TAFA2: variants seen among roughly 807,000 people sequenced by gnomAD.
The protein encoded by TAFA2 is chemokine-like protein TAFA-2.
Under a neutral mutation model 18.8 loss-of-function variants are expected in TAFA2, and 7 were observed. The observed-to-expected ratio is 0.37, with a 90% CI of 0.21 to 0.70. TAFA2 has a LOEUF of 0.70. Among genes scored for constraint, TAFA2 ranks in the 30% least tolerant of loss-of-function variants. The probability of loss-of-function intolerance (pLI) is 0.53; values close to 1 mark genes in which losing one functional copy is unlikely to be tolerated. For missense variants in TAFA2, 122 were observed against 158.1 expected, an observed-to-expected ratio of 0.77 and a Z score of 1.23; for synonymous variants, 60 against 54.2, an observed-to-expected ratio of 1.11 and a Z score of -0.47.
chr12:62,109,045 G>GTCT (rs1292125388), intron 1 of TAFA2, among the ~76,000 whole-genome samples: 8 of 152,132 alleles, frequency 5.3e-5, no homozygotes, highest in African/African-American at 1.9e-4. Context: ...TAGTCATTAA[G>GTCT]TCTTTGCCCA....
rs548437446 is a variant in TAFA2, at chr12:61,961,015, A to C, written c.-1-93589T>G. 5.3e-5 allele frequency among the ~76,000 whole-genome samples: 8 copies of C among 152,098 alleles called. No individual in the cohort carries two copies. The East Asian group carries it at 1.6e-3, about 30-fold the overall frequency. ...ACTCAGTTCTGCAAGCTGTACAGGA[A>C]TATGTGCCTACTTCCCCATTACCTT... On this transcript the variant is annotated intron_variant, in intron 1 of 4. Coordinates refer to ENST00000416284, the MANE Select transcript of TAFA2 (RefSeq NM_178539.5).
intron 2 of TAFA2, among the ~76,000 whole-genome samples, chr12:61,821,342 C>G (rs1359457686): frequency 6.6e-6 from 1 of 151,900 alleles, no homozygotes; most frequent in Non-Finnish European, 1.5e-5. Flanking sequence ...TTATTGGTTC[C>G]TTTTCATAGC....
intron 1 of TAFA2, among the ~76,000 whole-genome samples, chr12:62,200,347 G>A (rs1374127595): frequency 1.3e-5 from 2 of 152,082 alleles, no homozygotes; most frequent in Admixed American, 1.3e-4. Flanking sequence ...TGTACTAAAT[G>A]GTATTGCCTA....
chr12:62,055,400 C>T (rs138234200), intron 1 of TAFA2, among the ~76,000 whole-genome samples: 159 of 152,222 alleles, frequency 1.0e-3, no homozygotes, highest in Non-Finnish European at 2.1e-3. Context: ...TTTTCTCATA[C>T]CATTTAGTCA....
intron 1 of TAFA2, among the ~76,000 whole-genome samples, chr12:62,039,136 T>C (rs1317764337): frequency 1.3e-5 from 2 of 152,302 alleles, no homozygotes; most frequent in South Asian, 2.1e-4. Flanking sequence ...AAATAAGAAA[T>C]GTAGACCCAG....
intron 2 of TAFA2, among the ~76,000 whole-genome samples, chr12:61,795,032 A>G (rs1387221141): frequency 6.6e-6 from 1 of 152,206 alleles, no homozygotes; most frequent in African/African-American, 2.4e-5. Flanking sequence ...ACAATGAGAT[A>G]CCATCTCACG....
At chr12:62,224,088 C>T (rs2062775748) in intron 1 of TAFA2, among the ~76,000 whole-genome samples, 1 of 133,920 alleles carries the variant, frequency 7.5e-6, no homozygotes, top group Non-Finnish European at 1.5e-5. Context: ...TGCATACACA[C>T]ACACACACAC....
At chr12:61,951,174 G>A (rs1483174282) in intron 1 of TAFA2, among the ~76,000 whole-genome samples, 2 of 152,138 alleles carry the variant, frequency 1.3e-5, no homozygotes, top group African/African-American at 4.8e-5. Context: ...CAATAGCAAC[G>A]GAGGATATGT....
intron 1 of TAFA2, chr12:62,235,058 A>G: frequency 1.6e-6 from 1 of 625,910 alleles, no homozygotes. Context: ...TTCCAGTGGA[A>G]GCTGAGACTG....
chr12:61,897,436 AAAG>A (rs1475777834), intron 1 of TAFA2, among the ~76,000 whole-genome samples: 2 of 152,200 alleles, frequency 1.3e-5, no homozygotes, highest in South Asian at 2.1e-4. Flanking sequence ...TTATAAAAAA[AAAG>A]AAGTTTAATT....
At chr12:62,060,311 T>C (rs185376406) in intron 1 of TAFA2, among the ~76,000 whole-genome samples, 2 of 152,248 alleles carry the variant, frequency 1.3e-5, no homozygotes, top group East Asian at 3.9e-4. Flanking sequence ...ACATAAACAA[T>C]GGAGGTCCTA....
chr12:61,796,296 T>C (rs988446185), intron 2 of TAFA2, among the ~76,000 whole-genome samples: 2 of 152,082 alleles, frequency 1.3e-5, no homozygotes, highest in African/African-American at 4.8e-5. Flanking sequence ...CACAGGTAAA[T>C]AGATAAACAA....
At chr12:61,955,144 A>G (rs1878606704) in intron 1 of TAFA2, among the ~76,000 whole-genome samples, 1 of 152,182 alleles carries the variant, frequency 6.6e-6, no homozygotes, top group Non-Finnish European at 1.5e-5. Context: ...ATAAAATAGT[A>G]TCTGGATTGT....
At chr12:62,011,473 T>C (rs1296963536) in intron 1 of TAFA2, among the ~76,000 whole-genome samples, 2 of 152,138 alleles carry the variant, frequency 1.3e-5, no homozygotes, top group Middle Eastern at 3.2e-3. Flanking sequence ...CTCTGAAACA[T>C]GTGCTGTGTC....
intron 1 of TAFA2, among the ~76,000 whole-genome samples, chr12:61,904,747 C>T (rs558572412): frequency 6.6e-6 from 1 of 152,230 alleles, no homozygotes; most frequent in South Asian, 2.1e-4. Flanking sequence ...GACTCATTCC[C>T]TTTCCCTCAT....
chr12:61,750,181 A>G (rs547885167), intron 4 of TAFA2, among the ~76,000 whole-genome samples: 1 of 152,070 alleles, frequency 6.6e-6, no homozygotes, highest in Non-Finnish European at 1.5e-5. Flanking sequence ...TTTATTAATG[A>G]CCCTTTGAAA....
chr12:61,836,373 G>GC (rs1327996712), intron 2 of TAFA2, among the ~76,000 whole-genome samples: 1 of 151,862 alleles, frequency 6.6e-6, no homozygotes, highest in Non-Finnish European at 1.5e-5. Context: ...AGATTATTCT[G>GC]CAAGTGTCTT....
intron 2 of TAFA2, among the ~76,000 whole-genome samples, chr12:61,866,932 T>C (rs967325201): frequency 3.3e-5 from 5 of 151,986 alleles, no homozygotes; most frequent in African/African-American, 1.2e-4. Context: ...AAAGCCAGGG[T>C]AAATTTTATT....
chr12:62,163,786 T>A (rs2062421426), intron 1 of TAFA2, among the ~76,000 whole-genome samples: 1 of 152,138 alleles, frequency 6.6e-6, no homozygotes, highest in Admixed American at 6.6e-5. Context: ...TGGTTTATCC[T>A]AACTGCAAAG....
Sources: gnomAD v4.1 joint callset for allele counts (sites outside exome capture counted in the v4.1 genomes callset) on GRCh38, gnomAD v4.1.1 for gene constraint, MANE v1.5 for transcripts, NCBI Gene and HGNC (gene_info 2026-07-23, HGNC 2026-07-21) for gene names.